Variants in FHOD3 observed in about 807,000 individuals in gnomAD.
The protein encoded by FHOD3 is formin homology 2 domain containing 3.
A neutral mutation model predicts 173.0 loss-of-function variants in FHOD3; 90 were observed. That is an observed-to-expected ratio of 0.52 (90% CI 0.44 to 0.62). The LOEUF (loss-of-function observed/expected upper bound fraction) is 0.62, where lower values mean the gene tolerates loss of function less well. Ranked by LOEUF, FHOD3 falls within the 20% of genes least tolerant of loss-of-function variation. The pLI, the probability that FHOD3 is intolerant of heterozygous loss-of-function variation, is 0.00. For missense variants in FHOD3, 1,945 were observed against 2,034.7 expected (o/e 0.96, Z 0.85); for synonymous variants, 828 against 823.0 (o/e 1.01, Z -0.10).
chr18:36,537,451 G>A (rs559624125), intron 5 of FHOD3, among the ~76,000 whole-genome samples: 213 of 152,228 alleles, frequency 1.4e-3, no homozygotes, highest in Admixed American at 2.0e-3. Context: ...AGGAGCCAGT[G>A]GACACCACAT....
intron 10 of FHOD3, among the ~76,000 whole-genome samples, chr18:36,626,969 C>G (rs1445381621): frequency 2.6e-5 from 4 of 152,192 alleles, no homozygotes; most frequent in Admixed American, 2.6e-4. Context: ...CAACCATGGT[C>G]TATGTTGACA....
chr18:36,749,059 A>T (rs1036999101), intron 24 of FHOD3, among the ~76,000 whole-genome samples: 8 of 152,130 alleles, frequency 5.3e-5, no homozygotes, highest in African/African-American at 1.9e-4. Flanking sequence ...GAGCCTGCCT[A>T]AATACTTATA....
At chr18:36,650,290 T>C (rs1428900521) in intron 11 of FHOD3, among the ~76,000 whole-genome samples, 1 of 152,184 alleles carries the variant, frequency 6.6e-6, no homozygotes, top group East Asian at 1.9e-4. Flanking sequence ...TTAGATTTAA[T>C]GGAGTCTTTG....
intron 3 of FHOD3, among the ~76,000 whole-genome samples, chr18:36,463,097 AAC>A (rs1248539391): frequency 6.6e-6 from 1 of 152,110 alleles, no homozygotes; most frequent in African/African-American, 2.4e-5. Context: ...ATGATTTCTC[AAC>A]TTTTTAAAAG....
chr18:36,337,973 AG>A (rs112244984), intron 1 of FHOD3, among the ~76,000 whole-genome samples: 29 of 152,282 alleles, frequency 1.9e-4, no homozygotes, highest in African/African-American at 7.0e-4. Context: ...GCCCTCAACA[AG>A]TAGAGGTGTT....
intron 1 of FHOD3, among the ~76,000 whole-genome samples, chr18:36,344,866 A>G (rs1208625522): frequency 1.3e-5 from 2 of 152,208 alleles, no homozygotes; most frequent in African/African-American, 4.8e-5. Flanking sequence ...ACACTAACCA[A>G]AAGAAAGTAG....
At chr18:36,510,140 A>G (rs1235797847) in intron 4 of FHOD3, among the ~76,000 whole-genome samples, 1 of 152,198 alleles carries the variant, frequency 6.6e-6, no homozygotes, top group East Asian at 1.9e-4. Flanking sequence ...GGCATTGGTC[A>G]TCTCTTTGGG....
intron 3 of FHOD3, among the ~76,000 whole-genome samples, chr18:36,496,724 A>G (rs541980599): frequency 2.0e-5 from 3 of 152,328 alleles, no homozygotes; most frequent in South Asian, 4.1e-4. Flanking sequence ...CTCTCGTGAT[A>G]TAGGGAATAA....
chr18:36,536,845 A>C (rs1347670624), intron 5 of FHOD3, among the ~76,000 whole-genome samples: 1 of 152,242 alleles, frequency 6.6e-6, no homozygotes. Flanking sequence ...TGCCCAAAGA[A>C]TATTCCTTTT....
At chr18:36,668,086 T>C (rs931293902) in intron 14 of FHOD3, among the ~76,000 whole-genome samples, 1 of 152,076 alleles carries the variant, frequency 6.6e-6, no homozygotes, top group Admixed American at 6.5e-5. Flanking sequence ...TGCGTAGAAT[T>C]AGTACTAGCT....
chr18:36,749,601 C>G (rs2042313579), intron 24 of FHOD3, among the ~76,000 whole-genome samples: 1 of 152,130 alleles, frequency 6.6e-6, no homozygotes, highest in Non-Finnish European at 1.5e-5. Context: ...AGGTTGATTT[C>G]ATGTCTTTGC....
At chr18:36,488,781 A>G (rs2054315864) in intron 3 of FHOD3, among the ~76,000 whole-genome samples, 1 of 152,228 alleles carries the variant, frequency 6.6e-6, no homozygotes, top group Non-Finnish European at 1.5e-5. Context: ...ATATGGATTT[A>G]GGAGTCTGGA....
intron 10 of FHOD3, among the ~76,000 whole-genome samples, chr18:36,639,144 A>G (rs184485209): frequency 1.3e-5 from 2 of 152,308 alleles, no homozygotes; most frequent in East Asian, 3.9e-4. Flanking sequence ...TGAGGGGACT[A>G]TGCTTAGTTC....
intron 3 of FHOD3, among the ~76,000 whole-genome samples, chr18:36,438,515 GC>G (rs1392922645): frequency 1.3e-5 from 2 of 152,068 alleles, no homozygotes; most frequent in African/African-American, 4.8e-5. Flanking sequence ...CTCCCCTCCT[GC>G]CTGTACTTCT....
intron 5 of FHOD3, among the ~76,000 whole-genome samples, chr18:36,551,082 G>T (rs994275117): frequency 6.6e-6 from 1 of 152,142 alleles, no homozygotes; most frequent in Non-Finnish European, 1.5e-5. Context: ...AGTTGAGGAA[G>T]TTTCCTTTTA....
chr18:36,382,150 C>G (rs957669255), intron 3 of FHOD3, among the ~76,000 whole-genome samples: 3 of 152,146 alleles, frequency 2.0e-5, no homozygotes, highest in Non-Finnish European at 4.4e-5. Context: ...CTTTTGTGGC[C>G]TTTGCATTGC....
intron 3 of FHOD3, among the ~76,000 whole-genome samples, chr18:36,375,438 C>T (rs1031679364): frequency 6.6e-6 from 1 of 152,184 alleles, no homozygotes; most frequent in African/African-American, 2.4e-5. Context: ...TGGAAGGATC[C>T]AGGACCAGGG....
At chr18:36,602,850 G>T in intron 8 of FHOD3, 82 bp downstream of exon 8, 1 of 1,068,012 alleles carries the variant, frequency 9.4e-7, no homozygotes, top group Non-Finnish European at 1.5e-6. Flanking sequence ...TGTGCTTGTG[G>T]GCTTATTTGG....
intron 1 of FHOD3, among the ~76,000 whole-genome samples, chr18:36,336,963 A>G (rs1002170219): frequency 1.3e-5 from 2 of 151,330 alleles, no homozygotes; most frequent in Non-Finnish European, 2.9e-5. Flanking sequence ...ACTTGAGGCC[A>G]GGAGTTTGAG....
Sources: gnomAD v4.1 joint callset for allele counts (sites outside exome capture counted in the v4.1 genomes callset) on GRCh38, gnomAD v4.1.1 for gene constraint, MANE v1.5 for transcripts, NCBI Gene and HGNC (gene_info 2026-07-23, HGNC 2026-07-21) for gene names.